Variants in PAAF1 observed in about 807,000 individuals in gnomAD.
The protein encoded by PAAF1 is proteasomal ATPase associated factor 1, also known as proteasomal ATPase-associated factor 1.
In PAAF1, 46 loss-of-function variants were observed where a neutral mutation model predicts 52.8. The ratio of observed to expected loss-of-function variants is 0.87; its 90% confidence interval spans 0.69 to 1.11. The LOEUF is 1.11. Ranked by LOEUF, PAAF1 falls within the 50% of genes most tolerant of loss-of-function variation. PAAF1 has a pLI of 0.00. For missense variants in PAAF1, 424 were observed against 477.4 expected, an observed-to-expected ratio of 0.89 and a Z score of 1.04; for synonymous variants, 178 against 172.8, an observed-to-expected ratio of 1.03 and a Z score of -0.24.
rs1383838714 is a variant in PAAF1, at chr11:73,900,361, T to G, written c.473T>G (p.Leu158Arg). The G allele has an allele frequency of 6.2e-7, 1 of 1,612,746 alleles. No individual in the cohort carries two copies. Among genetic ancestry groups the G allele is most frequent in the Admixed American group, 1.7e-5 (1 of 59,940 alleles). ...VVLSGGMDAQ[L>R]KIWSAEDASC... is the part of the protein sequence containing the mutation. ...CTGAGTGGGGGAATGGATGCCCAGC[T>G]GAAGATATGGTCAGCTGAAGATGCT... The change falls in exon 6 of 12, where the codon CTG becomes CGG. Residue 158 changes from leucine to arginine, a missense_variant. Leu to Arg is a moderately radical substitution (Grantham distance 102, BLOSUM62 -2). Transcript: ENST00000310571.
chr11:73,887,594 G>A, intron 3 of PAAF1, 137 bp downstream of exon 3: 1 of 527,250 alleles, frequency 1.9e-6, no homozygotes, highest in Non-Finnish European at 3.2e-6. Flanking sequence ...CTGTCTGTGA[G>A]TGTCATTGGT....
At chr11:73,913,218 G>A (rs1456659994) in intron 7 of PAAF1, among the ~76,000 whole-genome samples, 1 of 152,108 alleles carries the variant, frequency 6.6e-6, no homozygotes, top group Non-Finnish European at 1.5e-5. Flanking sequence ...ATATACTCCT[G>A]CAGGTCTTCA....
At chr11:73,924,004 T>TACACACACACACAC (rs113973014) in intron 10 of PAAF1, among the ~76,000 whole-genome samples, 6 of 149,764 alleles carry the variant, frequency 4.0e-5, no homozygotes, top group African/African-American at 1.5e-4. Flanking sequence ...AGTTTATAAA[T>TACACACACACACAC]ACACACACAC....
Position 73,909,381 on chromosome 11 carries a change from G to GT in PAAF1, c.533-11dup, listed in dbSNP as rs749412406. 4 of 1,612,710 alleles carry GT rather than the reference G, an allele frequency of 2.5e-6. No individual in the cohort carries two copies. The East Asian group carries it at 6.7e-5, about 27-fold the overall frequency. On this transcript the variant is annotated splice_polypyrimidine_tract_variant and intron_variant, in intron 6 of 11. Transcript: ENST00000310571. ...TTTACTCCATCCTCCATCTTAGGGAGTTTTTTTCTCTTGCTAGGTATCCTG... is the reference window on the plus strand; with the variant it reads ...TTTACTCCATCCTCCATCTTAGGGAGTTTTTTTTCTCTTGCTAGGTATCCTG...
At chr11:73,927,146 T>G in intron 11 of PAAF1, 139 bp from the exon 12 acceptor site, 1 of 669,782 alleles carries the variant, frequency 1.5e-6, no homozygotes. Flanking sequence ...TGTAAGCACA[T>G]AATTATGGAT....
intron 1 of PAAF1, 93 bp downstream of exon 1, chr11:73,877,161 G>T: frequency 7.8e-7 from 1 of 1,285,608 alleles, no homozygotes; most frequent in Non-Finnish European, 1.0e-6. Context: ...ATATCAATAG[G>T]GGTTACTTCG....
At chr11:73,897,566 T>C (rs2135165945) in intron 4 of PAAF1, among the ~76,000 whole-genome samples, 1 of 149,790 alleles carries the variant, frequency 6.7e-6, no homozygotes, top group Admixed American at 6.6e-5. Flanking sequence ...GCAGAGACGC[T>C]CCTCACTTCC....
At chr11:73,881,171 GC>G (rs1948895863) in intron 2 of PAAF1, among the ~76,000 whole-genome samples, 1 of 152,050 alleles carries the variant, frequency 6.6e-6, no homozygotes, top group African/African-American at 2.4e-5. Flanking sequence ...TTTCTTTAAA[GC>G]AAGGCAAATC....
At chr11:73,917,870 CAA>C (rs755799652) in intron 9 of PAAF1, among the ~76,000 whole-genome samples, 49 of 105,304 alleles carry the variant, frequency 4.7e-4, no homozygotes, top group Admixed American at 1.1e-3. Flanking sequence ...GACTCTATCT[CAA>C]AAAAAAAAAA....
chr11:73,927,425 A>G lies in PAAF1; in HGVS notation c.*63A>G. The G allele has an allele frequency of 7.5e-7, 1 of 1,328,096 alleles. No homozygotes were observed. Among genetic ancestry groups the G allele is most frequent in the Non-Finnish European group, 1.1e-6 (1 of 925,122 alleles). The allele number at this position is 1,328,096 out of a possible 1,614,324, so 82.3% of individuals were successfully genotyped here. Reference sequence around the variant, plus strand: ...TGACCCTGATCAACAATGAGCAGAAACATCATCAGTCCTTCCCAAGGACCA... The same window carrying G: ...TGACCCTGATCAACAATGAGCAGAAGCATCATCAGTCCTTCCCAAGGACCA... On this transcript the variant is annotated 3_prime_UTR_variant, in exon 12 of 12. Coordinates refer to ENST00000310571, the MANE Select transcript of PAAF1 (RefSeq NM_025155.3).
chr11:73,914,443 T>C lies in PAAF1; in HGVS notation c.758T>C (p.Met253Thr). 6.2e-7 allele frequency: 1 copy of C among 1,614,092 alleles called. No individual in the cohort carries two copies. Among genetic ancestry groups the C allele is most frequent in the Non-Finnish European group, 8.5e-7 (1 of 1,179,978 alleles). The change falls in exon 8 of 12, where the codon ATG becomes ACG. Residue 253 changes from methionine (M) to threonine (T), a missense_variant. Transcript: ENST00000310571. Reference sequence around the variant, plus strand: ...CGGGAGGTTGGAACAGAGGCCAAAATGCTGCTCTTGGCCCGGGAAGATAAG... The same window carrying C: ...CGGGAGGTTGGAACAGAGGCCAAAACGCTGCTCTTGGCCCGGGAAGATAAG... ...SEREVGTEAK[M>T]LLLAREDKKL...
At chr11:73,886,805 G>A (rs1039529641) in intron 2 of PAAF1, 1 of 219,554 alleles carries the variant, frequency 4.6e-6, no homozygotes, top group Non-Finnish European at 9.5e-6. Flanking sequence ...TTAATCCTCA[G>A]TGTTGGAGGT....
At chr11:73,916,740 G>T in intron 9 of PAAF1, 80 bp downstream of exon 9, 1 of 895,670 alleles carries the variant, frequency 1.1e-6, no homozygotes, top group Non-Finnish European at 1.8e-6. Context: ...ATTTAGCCTA[G>T]CATATAGATA....
intron 2 of PAAF1, among the ~76,000 whole-genome samples, chr11:73,881,174 A>G (rs1450080682): frequency 6.6e-6 from 1 of 152,218 alleles, no homozygotes; most frequent in Non-Finnish European, 1.5e-5. Flanking sequence ...CTTTAAAGCA[A>G]GGCAAATCTT....
At chr11:73,882,171 G>A (rs1202750651) in intron 2 of PAAF1, among the ~76,000 whole-genome samples, 3 of 151,662 alleles carry the variant, frequency 2.0e-5, no homozygotes, top group African/African-American at 7.3e-5. Context: ...GTGAGCCACT[G>A]TGCCCCGCAA....
chr11:73,893,283 T>C (rs1949246882), intron 4 of PAAF1, among the ~76,000 whole-genome samples: 1 of 152,228 alleles, frequency 6.6e-6, no homozygotes, highest in African/African-American at 2.4e-5. Context: ...ATAGAGTCAA[T>C]TGTTGCTCTT....
chr11:73,887,302 AAATAATAAATTTTTC>A (rs1949087791), intron 2 of PAAF1, 37 bp from the exon 3 acceptor site: 2 of 1,420,290 alleles, frequency 1.4e-6, no homozygotes, highest in East Asian at 4.7e-5. Context: ...TCAAAGAGAA[AAATAATAAATTTTTC>A]TTATTTTTTG....
intron 10 of PAAF1, chr11:73,922,235 G>T: frequency 1.5e-6 from 1 of 658,024 alleles, no homozygotes; most frequent in Non-Finnish European, 2.8e-6. Flanking sequence ...CAGATTTTTT[G>T]TACTTTTCTA....
intron 4 of PAAF1, among the ~76,000 whole-genome samples, chr11:73,894,586 C>G (rs902784426): frequency 6.6e-6 from 1 of 151,826 alleles, no homozygotes. Flanking sequence ...ACATATGTAA[C>G]TAACCTGCAC....
Sources: allele counts gnomAD v4.1 joint callset (sites outside exome capture counted in the v4.1 genomes callset), GRCh38; gene constraint gnomAD v4.1.1; transcripts MANE v1.5; gene names NCBI Gene and HGNC (gene_info 2026-07-23, HGNC 2026-07-21).